ADARB2: variants seen among roughly 807,000 people sequenced by gnomAD.
The protein encoded by ADARB2 is adenosine deaminase RNA specific B2 (inactive), also known as inactive double-stranded RNA-specific editase B2.
In ADARB2, 25 loss-of-function variants were observed where a neutral mutation model predicts 62.2. The observed-to-expected ratio is 0.40, with a 90% CI of 0.29 to 0.56. The LOEUF (loss-of-function observed/expected upper bound fraction) is 0.56. Among genes scored for constraint, ADARB2 ranks in the 20% least tolerant of loss-of-function variants. The probability of loss-of-function intolerance (pLI) is 0.43; values close to 1 mark genes in which losing one functional copy is unlikely to be tolerated. For missense variants in ADARB2, 1,071 were observed against 1,077.4 expected (o/e 0.99, Z 0.08); for synonymous variants, 572 against 500.8 (o/e 1.14, Z -1.90).
intron 1 of ADARB2, among the ~76,000 whole-genome samples, chr10:1,415,835 C>T (rs1832797137): frequency 6.6e-6 from 1 of 152,174 alleles, no homozygotes. Context: ...CCACCTCTTC[C>T]ATGCAGCCCT....
At chr10:1,419,251 G>A (rs2820660) in intron 1 of ADARB2, among the ~76,000 whole-genome samples, 150,741 of 152,202 alleles carry the variant, frequency 0.99, 74,663 homozygotes, top group Middle Eastern at 1. Context: ...CCGCCACCAC[G>A]CCCGTCTAAT....
chr10:1,566,134 T>C (rs1218840112), intron 1 of ADARB2, among the ~76,000 whole-genome samples: 1 of 149,298 alleles, frequency 6.7e-6, no homozygotes, highest in Non-Finnish European at 1.5e-5. Context: ...AGTGAGTGTG[T>C]GTGTATCTAG....
intron 3 of ADARB2, among the ~76,000 whole-genome samples, chr10:1,306,671 T>A: frequency 8.3e-6 from 1 of 120,868 alleles, no homozygotes; most frequent in Non-Finnish European, 1.9e-5. Context: ...ACTACAAAGC[T>A]ACAGTAACCA....
At chr10:1,716,017 C>G (rs1835012669) in intron 1 of ADARB2, among the ~76,000 whole-genome samples, 1 of 152,114 alleles carries the variant, frequency 6.6e-6, no homozygotes, top group African/African-American at 2.4e-5. Flanking sequence ...CCCCTCCCGC[C>G]CGCTGAGTCA....
At chr10:1,201,535 G>A (rs1039491261) in intron 7 of ADARB2, among the ~76,000 whole-genome samples, 1 of 152,016 alleles carries the variant, frequency 6.6e-6, no homozygotes, top group Non-Finnish European at 1.5e-5. Context: ...CGGGCGCTCT[G>A]AAGGGTAGGA....
intron 3 of ADARB2, among the ~76,000 whole-genome samples, chr10:1,359,190 T>A (rs969909262): frequency 6.6e-6 from 1 of 152,180 alleles, no homozygotes; most frequent in Non-Finnish European, 1.5e-5. Flanking sequence ...GAGGAGAGCA[T>A]GAGGGGTTTG....
At chr10:1,573,175 C>A (rs1055972578) in intron 1 of ADARB2, among the ~76,000 whole-genome samples, 1 of 152,200 alleles carries the variant, frequency 6.6e-6, no homozygotes, top group Non-Finnish European at 1.5e-5. Context: ...GCTCTGTGTG[C>A]TTGTCTGGGG....
intron 3 of ADARB2, among the ~76,000 whole-genome samples, chr10:1,297,705 C>T (rs1831535443): frequency 6.6e-6 from 1 of 152,200 alleles, no homozygotes; most frequent in African/African-American, 2.4e-5. Flanking sequence ...CAGCCTCATA[C>T]AGCCTGTGTG....
At chr10:1,443,280 A>G (rs1422977967) in intron 1 of ADARB2, among the ~76,000 whole-genome samples, 1 of 152,158 alleles carries the variant, frequency 6.6e-6, no homozygotes, top group East Asian at 1.9e-4. Context: ...AGAATGTGAG[A>G]AACCTGGAAC....
At chr10:1,423,428 C>T (rs1378130665) in intron 1 of ADARB2, among the ~76,000 whole-genome samples, 1 of 152,222 alleles carries the variant, frequency 6.6e-6, no homozygotes, top group Non-Finnish European at 1.5e-5. Context: ...AGCCACCTTG[C>T]CCAGCACTGC....
In ADARB2 at chr10:1,647,798, GTA is replaced by G. The variant is rs1287498166; in HGVS notation, c.100+89251_100+89252del. Among the ~76,000 whole-genome samples the G allele has an allele frequency of 2.0e-4, 29 of 141,466 alleles. 1 individual carries two copies. The South Asian group carries it at 5.8e-3, about 28-fold the overall frequency. 92.8% of individuals were successfully genotyped at this position (141,466 alleles called of 152,430 possible). ...TGTGTGTATATATGTGTATGCATGT[GTA>G]TATGTGTGTGTGTATGCATGTGTGT... On this transcript the variant is annotated intron_variant, in intron 1 of 9. Coordinates refer to ENST00000381312, the MANE Select transcript of ADARB2 (RefSeq NM_018702.4).
intron 3 of ADARB2, among the ~76,000 whole-genome samples, chr10:1,295,306 T>C (rs1169233978): frequency 1.3e-5 from 2 of 152,116 alleles, no homozygotes; most frequent in African/African-American, 4.8e-5. Context: ...TGCTGCAAAA[T>C]CTTGGGAAGA....
intron 1 of ADARB2, among the ~76,000 whole-genome samples, chr10:1,602,239 G>T (rs1423787576): frequency 1.3e-5 from 2 of 152,196 alleles, no homozygotes; most frequent in Admixed American, 1.3e-4. Context: ...ACCACGGGTG[G>T]TCAGGCCAGT....
rs1836704752 is a variant in ADARB2 at position 1,183,241 on chromosome 10, G to C, written c.2172C>G (p.Thr724=). The change falls in exon 10 of 10, where the codon ACC becomes ACG. Residue 724 remains threonine, a synonymous_variant. Coordinates refer to ENST00000381312, the MANE Select transcript of ADARB2 (RefSeq NM_018702.4). The stretch of plus-strand genomic sequence containing the variant: ...GCTGCTCCGGTGGTTTCCTCACCCA[G>C]GTGCCCAGGCCAGCCTTCTGAAAGG... ...FKAFQKAGLG[T]WVRKPPEQQQ... 1 of 1,614,014 alleles carries C rather than the reference G, an allele frequency of 6.2e-7. No homozygotes were observed. Among genetic ancestry groups the C allele is most frequent in the Admixed American group, 1.7e-5 (1 of 60,032 alleles).
rs1832892087 is a variant in ADARB2 at position 1,426,191 on chromosome 10, A to G, written c.101-47031T>C. Among the ~76,000 whole-genome samples, 1 of 152,100 alleles carries G rather than the reference A, an allele frequency of 6.6e-6. No homozygotes were observed. The highest frequency in any genetic ancestry group is 2.4e-5 in the African/African-American group (1 of 41,436). ...AGCCTGTGGTTTAAAATATGGAGGT[A>G]TTTTGGGCTCCCTGGTGAGAGGTGA... On this transcript the variant is annotated intron_variant, in intron 1 of 9. Coordinates refer to ENST00000381312, the MANE Select transcript of ADARB2 (RefSeq NM_018702.4). The surrounding 1 kb of genome is among the most constrained non-coding windows in gnomAD (Gnocchi z 4.1).
intron 3 of ADARB2, among the ~76,000 whole-genome samples, chr10:1,351,005 A>T (rs11528601): frequency 6.6e-6 from 1 of 152,230 alleles, no homozygotes; most frequent in South Asian, 2.1e-4. Flanking sequence ...AGGCCCGTTT[A>T]CCCGAGAAGC....
chr10:1,477,727 C>T lies in ADARB2; in HGVS notation c.101-98567G>A, dbSNP rs1012012312. ...GTGCTTAATTTTCAGAGAATGCCTT[C>T]GTGACTATTTCCCTTAGACATAAAT... On this transcript the variant is annotated intron_variant, in intron 1 of 9. Transcript: ENST00000381312. The surrounding 1 kb of genome is among the most constrained non-coding windows in gnomAD (Gnocchi z 4.5). Among the ~76,000 whole-genome samples, 8 of 152,222 alleles carry T rather than the reference C, an allele frequency of 5.3e-5. No individual in the cohort carries two copies. The highest frequency in any genetic ancestry group is 8.8e-5 in the Non-Finnish European group (6 of 68,044).
intron 1 of ADARB2, among the ~76,000 whole-genome samples, chr10:1,681,446 A>G (rs1445592901): frequency 6.6e-6 from 1 of 152,052 alleles, no homozygotes; most frequent in Non-Finnish European, 1.5e-5. Context: ...GAGAAAGTCT[A>G]GAACTTAAAG....
At chr10:1,427,801 A>G (rs903450391) in intron 1 of ADARB2, among the ~76,000 whole-genome samples, 2 of 152,216 alleles carry the variant, frequency 1.3e-5, no homozygotes, top group Non-Finnish European at 2.9e-5. Context: ...TTTATTTATA[A>G]TAGCTCCACA....
Sources: allele counts gnomAD v4.1 joint callset (sites outside exome capture counted in the v4.1 genomes callset), GRCh38; gene constraint gnomAD v4.1.1; non-coding constraint Gnocchi (gnomAD v3.1); transcripts MANE v1.5; gene names NCBI Gene and HGNC (gene_info 2026-07-23, HGNC 2026-07-21).